EPCIP: variants seen among roughly 807,000 people sequenced by gnomAD.
The protein encoded by EPCIP is exosomal polycystin-1-interacting protein.
At chr21:32,812,358 G>A in the EPCIP span, among the ~76,000 whole-genome samples, 2 of 152,070 alleles carry the variant, frequency 1.3e-5, no homozygotes, top group Non-Finnish European at 2.9e-5. Context: ...CTTCCCACTG[G>A]GGCCTATTGA....
the EPCIP span, among the ~76,000 whole-genome samples, chr21:32,800,679 G>T: frequency 6.6e-6 from 1 of 152,158 alleles, no homozygotes; most frequent in Admixed American, 6.5e-5. Flanking sequence ...AGCTGGCCAT[G>T]GTGGCATGTG....
At chr21:32,811,211 A>G in the EPCIP span, among the ~76,000 whole-genome samples, 1 of 151,174 alleles carries the variant, frequency 6.6e-6, no homozygotes, top group South Asian at 2.1e-4. Flanking sequence ...GCTCACTGCA[A>G]CCTCTGCATC....
the EPCIP span, among the ~76,000 whole-genome samples, chr21:32,801,532 T>C: frequency 1.3e-4 from 20 of 152,094 alleles, no homozygotes; most frequent in Admixed American, 1.3e-3. Flanking sequence ...GACAATGTGA[T>C]TGGTAGTTCT....
chr21:32,804,275 TTATATATA>T, the EPCIP span, among the ~76,000 whole-genome samples: 1 of 140,960 alleles, frequency 7.1e-6, no homozygotes, highest in African/African-American at 2.7e-5. Flanking sequence ...ATGCATGTGA[TTATATATA>T]TATATATATA....
chr21:32,809,182 C>CGCGTGTGT, the EPCIP span, among the ~76,000 whole-genome samples: 2 of 121,096 alleles, frequency 1.7e-5, no homozygotes, highest in Non-Finnish European at 3.4e-5. Context: ...TCGAGGGGTG[C>CGCGTGTGT]GTGTGTGTGT....
At chr21:32,804,995 G>A in the EPCIP span, among the ~76,000 whole-genome samples, 1 of 152,198 alleles carries the variant, frequency 6.6e-6, no homozygotes, top group Non-Finnish European at 1.5e-5. Context: ...CCTGGGCCCT[G>A]TGAATACATT....
At chr21:32,808,213 T>G in the EPCIP span, among the ~76,000 whole-genome samples, 1 of 152,098 alleles carries the variant, frequency 6.6e-6, no homozygotes, top group Non-Finnish European at 1.5e-5. Flanking sequence ...AGAGCTTTGC[T>G]TAAATTACTG....
the EPCIP span, among the ~76,000 whole-genome samples, chr21:32,808,028 G>A: frequency 2.0e-5 from 3 of 152,204 alleles, no homozygotes; most frequent in Non-Finnish European, 4.4e-5. Flanking sequence ...CACACCTTCC[G>A]AGGGGCGAAG....
chr21:32,799,453 T>A, the EPCIP span, among the ~76,000 whole-genome samples: 2 of 152,308 alleles, frequency 1.3e-5, no homozygotes, highest in South Asian at 4.1e-4. Flanking sequence ...TGCTTACCTC[T>A]CCAAGTCCTG....
chr21:32,809,619 G>A, the EPCIP span, among the ~76,000 whole-genome samples: 6 of 151,880 alleles, frequency 4.0e-5, no homozygotes, highest in Non-Finnish European at 5.9e-5. Flanking sequence ...TCTTCCCACC[G>A]CCCAAAGTGT....
At chr21:32,794,509 T>C in the EPCIP span, 8 of 1,217,094 alleles carry the variant, frequency 6.6e-6, no homozygotes, top group East Asian at 2.0e-4. Flanking sequence ...GGCAGCTTTA[T>C]CACAACCTTT....
the EPCIP span, among the ~76,000 whole-genome samples, chr21:32,792,450 A>C: frequency 6.6e-6 from 1 of 152,116 alleles, no homozygotes; most frequent in African/African-American, 2.4e-5. Context: ...GTGGTGAGTA[A>C]ATTCCCAGGC....
chr21:32,807,055 A>G, the EPCIP span, among the ~76,000 whole-genome samples: 5 of 152,162 alleles, frequency 3.3e-5, no homozygotes, highest in African/African-American at 1.2e-4. Context: ...CGTTATTGGG[A>G]AAACCACCCC....
chr21:32,790,819 C>T, the EPCIP span: 1 of 152,234 alleles, frequency 6.6e-6, no homozygotes, highest in Non-Finnish European at 1.5e-5. Context: ...AAGCTACTAG[C>T]CCCAGGCCAG....
chr21:32,791,734 G>GAA, the EPCIP span, among the ~76,000 whole-genome samples: 4 of 130,444 alleles, frequency 3.1e-5, no homozygotes, highest in Non-Finnish European at 1.6e-5. Context: ...AAGGTTAAGT[G>GAA]AAAAAAAAAA....
chr21:32,810,545 A>G, the EPCIP span: 4 of 466,906 alleles, frequency 8.6e-6, no homozygotes, highest in Admixed American at 2.4e-5. Flanking sequence ...ACAGGCGTGA[A>G]CCACCATGCC....
At chr21:32,794,137 G>T in the EPCIP span, 19 of 1,614,144 alleles carry the variant, frequency 1.2e-5, no homozygotes, top group East Asian at 3.8e-4. Flanking sequence ...CCAGCGTGAA[G>T]TTCAGCAGGT....
At chr21:32,808,020 C>T in the EPCIP span, among the ~76,000 whole-genome samples, 1 of 152,260 alleles carries the variant, frequency 6.6e-6, no homozygotes, top group Non-Finnish European at 1.5e-5. Flanking sequence ...TTATGCCACA[C>T]ACCTTCCGAG....
At chr21:32,793,872 A>G in the EPCIP span, 176 of 1,614,106 alleles carry the variant, frequency 1.1e-4, no homozygotes, top group Middle Eastern at 1.6e-4. Flanking sequence ...TCAATACTAT[A>G]TGATTTTAAG....
Sources: gnomAD v4.1 joint callset for allele counts (sites outside exome capture counted in the v4.1 genomes callset) on GRCh38, gnomAD v4.1.1 for gene constraint, MANE v1.5 for transcripts, NCBI Gene and HGNC (gene_info 2026-07-23, HGNC 2026-07-21) for gene names.